Variants in ZBTB10 observed in about 807,000 individuals in gnomAD.
ZBTB10 encodes the protein zinc finger and BTB domain containing 10, also known as zinc finger and BTB domain-containing protein 10.
A neutral mutation model predicts 76.4 loss-of-function variants in ZBTB10; 32 were observed. That is an observed-to-expected ratio of 0.42 (90% confidence interval 0.32 to 0.56). The LOEUF is 0.56. ZBTB10 is among the 20% of genes least tolerant of loss of function. ZBTB10 has a pLI of 0.14. For synonymous variants in ZBTB10, 523 were observed against 432.9 expected (o/e 1.21, Z -2.58); for missense variants, 1,057 against 1,098.5 (o/e 0.96, Z 0.53).
At chr8:80,518,148 T>C (rs964100867) in intron 3 of ZBTB10, among the ~76,000 whole-genome samples, 7 of 152,052 alleles carry the variant, frequency 4.6e-5, no homozygotes, top group Admixed American at 6.6e-5. Context: ...ATTATATGCA[T>C]GAGCCACTGT....
At chr8:80,493,195 G>GCGCA (rs549867923) in intron 1 of ZBTB10, among the ~76,000 whole-genome samples, 5 of 109,186 alleles carry the variant, frequency 4.6e-5, no homozygotes, top group African/African-American at 7.8e-5. Context: ...GCCTCAAAAC[G>GCGCA]CGCGCGCGCG....
intron 2 of ZBTB10, among the ~76,000 whole-genome samples, chr8:80,502,911 C>T (rs749744758): frequency 2.6e-5 from 4 of 152,074 alleles, no homozygotes; most frequent in Non-Finnish European, 5.9e-5. Flanking sequence ...TGGGTATGCA[C>T]GTTGGTATCA....
Position 80,486,803 on chromosome 8 carries a change from C to CGGT in ZBTB10, c.-7_-6insGTG. The stretch of plus-strand genomic sequence containing the variant: ...GGGCACCGGGCGGCGGCGGCGGCGG[C>CGGT]GCGCGCCATGTCGTTCAGTGAAATG... On this transcript the variant is annotated 5_prime_UTR_variant, in exon 1 of 6. Coordinates refer to ENST00000455036, the MANE Select transcript of ZBTB10 (RefSeq NM_001105539.3). 7.1e-7 allele frequency: 1 copy of CGGT among 1,415,882 alleles called. No homozygotes were observed. Among genetic ancestry groups the CGGT allele is most frequent in the South Asian group, 1.5e-5 (1 of 66,502 alleles). The allele number at this position is 1,415,882 out of a possible 1,614,324, so 87.7% of individuals were successfully genotyped here. A position where few individuals can be genotyped will look rare whatever the true frequency, so the allele number is the denominator to read the frequency against.
At chr8:80,508,536 G>T (rs1233528314) in intron 2 of ZBTB10, among the ~76,000 whole-genome samples, 3 of 152,206 alleles carry the variant, frequency 2.0e-5, no homozygotes, top group Non-Finnish European at 4.4e-5. Flanking sequence ...AACATACTCA[G>T]TGCCATGTGA....
chr8:80,501,365 G>C (rs967613149), intron 2 of ZBTB10, among the ~76,000 whole-genome samples: 1 of 152,190 alleles, frequency 6.6e-6, no homozygotes, highest in African/African-American at 2.4e-5. Context: ...CCATTGTTAA[G>C]TCTTTAGTTT....
rs763152550 is a variant in ZBTB10 at position 80,523,115 on chromosome 8, G to T, written c.*3587G>T. The T allele has an allele frequency of 6.6e-6, 1 of 151,484 alleles. No individual in the cohort carries two copies. Among genetic ancestry groups the T allele is most frequent in the Admixed American group, 6.6e-5 (1 of 15,162 alleles). 9.4% of individuals were successfully genotyped at this position (151,484 alleles called of 1,614,324 possible). ...ATCCTCTATAAGGTAGGTGCTAATT[G>T]TCTCCATTTTATAGATGAGGAAAGG... On this transcript the variant is annotated 3_prime_UTR_variant, in exon 6 of 6. Transcript: ENST00000455036.
At position 80,486,524 on chromosome 8, in the gene ZBTB10, C is replaced by T; in HGVS notation, c.-287C>T. The T allele has an allele frequency of 1.0e-6, 1 of 985,878 alleles. No homozygotes were observed. Among genetic ancestry groups the T allele is most frequent in the Non-Finnish European group, 1.2e-6 (1 of 830,330 alleles). 61.1% of individuals were successfully genotyped at this position (985,878 alleles called of 1,614,324 possible). ...GCTCCTCACCTCTCCGCCGCCCGCC[C>T]CCTTCTCCGCGCGGGACGCTGCCCG... On this transcript the variant is annotated 5_prime_UTR_variant, in exon 1 of 6. Coordinates refer to ENST00000455036, the MANE Select transcript of ZBTB10 (RefSeq NM_001105539.3).
rs532855513 is a variant in ZBTB10, at chr8:80,526,244, C to G, written c.*6716C>G. ...TTTGATGTAGAGTGCAATAATACAT[C>G]AATAAAGGTATTTTAAAATGACCTA... On this transcript the variant is annotated 3_prime_UTR_variant, in exon 6 of 6. Coordinates refer to ENST00000455036, the MANE Select transcript of ZBTB10 (RefSeq NM_001105539.3). The G allele has an allele frequency of 6.6e-6, 1 of 152,034 alleles. No individual in the cohort carries two copies. The highest frequency in any genetic ancestry group is 1.5e-5 in the Non-Finnish European group (1 of 67,986). The allele number at this position is 152,034 out of a possible 1,614,324, so 9.4% of individuals were successfully genotyped here. A position where few individuals can be genotyped will look rare whatever the true frequency, so the allele number is the denominator to read the frequency against.
chr8:80,501,280 A>G (rs1815917889), intron 2 of ZBTB10, among the ~76,000 whole-genome samples: 1 of 152,166 alleles, frequency 6.6e-6, no homozygotes, highest in African/African-American at 2.4e-5. Context: ...TCTCTTCAAT[A>G]TATTTCTCTC....
upstream of ZBTB10, chr8:80,485,817 G>C (rs1224939918): frequency 2.0e-6 from 3 of 1,535,618 alleles, no homozygotes; most frequent in Admixed American, 5.9e-5. Context: ...CCACCGCACA[G>C]TTATTTGCAA....
chr8:80,500,123 T>A lies in ZBTB10; in HGVS notation c.1602T>A (p.Asn534Lys). 1 of 1,613,824 alleles carries A rather than the reference T, an allele frequency of 6.2e-7. No individual in the cohort carries two copies. Among genetic ancestry groups the A allele is most frequent in the East Asian group, 2.2e-5 (1 of 44,874 alleles). Residue 534 changes from asparagine (N) to lysine (K), a missense_variant, in exon 2 of 6, where the codon AAT (asparagine) becomes AAA (lysine). By Grantham distance (94) the Asn-to-Lys change is moderately conservative (BLOSUM62 0). Transcript: ENST00000455036. ...GCCAAATAGAAAACTACCAAATGAA[T>A]GACAGTAGTTGGGTCCAGGATGGAT... ...DEGQIENYQM[N>K]DSSWVQDGSP...
chr8:80,510,033 AAGG>A (rs373866124), intron 2 of ZBTB10, among the ~76,000 whole-genome samples: 169 of 152,308 alleles, frequency 1.1e-3, no homozygotes, highest in African/African-American at 3.9e-3. Context: ...TGTGAATTCT[AAGG>A]AGGAGATTGC....
intron 4 of ZBTB10, 61 bp from the exon 5 acceptor site, chr8:80,518,721 T>C: frequency 6.6e-7 from 1 of 1,512,916 alleles, no homozygotes; most frequent in Non-Finnish European, 8.8e-7. Context: ...ATAAGAAGTT[T>C]TGATAGCAAG....
At position 80,521,650 on chromosome 8, in the gene ZBTB10, G is replaced by C. The variant is rs1816450812; in HGVS notation, c.*2122G>C. ...TTAATGTACTTTTACTTTTCCTCAA[G>C]ATATGAACTTACTCTCTTGAAGCTG... On this transcript the variant is annotated 3_prime_UTR_variant, in exon 6 of 6. Transcript: ENST00000455036. The C allele has an allele frequency of 6.6e-6, 1 of 151,670 alleles. No individual in the cohort carries two copies. The highest frequency in any genetic ancestry group is 2.1e-4 in the South Asian group (1 of 4,820). 9.4% of individuals were successfully genotyped at this position (151,670 alleles called of 1,614,324 possible).
At chr8:80,503,805 T>C (rs1815984001) in intron 2 of ZBTB10, among the ~76,000 whole-genome samples, 1 of 152,210 alleles carries the variant, frequency 6.6e-6, no homozygotes, top group African/African-American at 2.4e-5. Context: ...AATACAGGCG[T>C]GAGCCACTGC....
rs1816507874 is a variant in ZBTB10 at position 80,524,384 on chromosome 8, A to G, written c.*4856A>G. On this transcript the variant is annotated 3_prime_UTR_variant, in exon 6 of 6. Coordinates refer to ENST00000455036, the MANE Select transcript of ZBTB10 (RefSeq NM_001105539.3). ...AAATATTAAAAATTCCCTGTAATTT[A>G]CATTTGTGCATAATCTTGGAAATGG... 1 of 152,124 alleles carries G rather than the reference A, an allele frequency of 6.6e-6. No individual in the cohort carries two copies. The highest frequency in any genetic ancestry group is 6.6e-5 in the Admixed American group (1 of 15,254). 9.4% of individuals were successfully genotyped at this position (152,124 alleles called of 1,614,324 possible).
At chr8:80,519,191 C>A (rs1413447059) in intron 5 of ZBTB10, 32 bp from the exon 6 acceptor site, 3 of 1,587,642 alleles carry the variant, frequency 1.9e-6, no homozygotes, top group Non-Finnish European at 2.6e-6. Flanking sequence ...TATATAATAT[C>A]CTTATATTGG....
rs1272667659 is a variant in ZBTB10, at chr8:80,493,205, GCGCA to G, written c.972+5425_972+5428del. Among the ~76,000 whole-genome samples, 900 of 98,394 alleles carry G rather than the reference GCGCA, an allele frequency of 9.1e-3. 8 individuals are homozygous for G. The highest frequency in any genetic ancestry group is 0.024 in the African/African-American group (664 of 28,134). The allele number at this position is 98,394 out of a possible 152,430, so 64.6% of individuals were successfully genotyped here. A position where few individuals can be genotyped will look rare whatever the true frequency, so the allele number is the denominator to read the frequency against. ...ACTGTGCCTCAAAACGCGCGCGCGC[GCGCA>G]CACACACACACACACACACACACAC... On this transcript the variant is annotated intron_variant, in intron 1 of 5. Coordinates refer to ENST00000455036, the MANE Select transcript of ZBTB10 (RefSeq NM_001105539.3).
intron 3 of ZBTB10, 120 bp downstream of exon 3, chr8:80,514,128 T>C: frequency 2.5e-6 from 2 of 815,914 alleles, no homozygotes; most frequent in Non-Finnish European, 1.9e-6. Flanking sequence ...CTACTTTCAA[T>C]CTATGGTAGC....
Sources: gnomAD v4.1 joint callset for allele counts (sites outside exome capture counted in the v4.1 genomes callset) on GRCh38, gnomAD v4.1.1 for gene constraint, MANE v1.5 for transcripts, NCBI Gene and HGNC (gene_info 2026-07-23, HGNC 2026-07-21) for gene names.